TSNARE1: variants seen among roughly 807,000 people sequenced by gnomAD.
TSNARE1 encodes t-SNARE domain containing 1.
In TSNARE1, 49 loss-of-function variants were observed where a neutral mutation model predicts 62.0. The observed-to-expected ratio is 0.79, with a 90% confidence interval of 0.63 to 1.00. The LOEUF is 1.00. TSNARE1 is among the 50% of genes least tolerant of loss of function. The pLI is 0.00. For synonymous variants in TSNARE1, 328 were observed against 294.4 expected (o/e 1.11, Z -1.17); for missense variants, 755 against 700.1 (o/e 1.08, Z -0.88).
chr8:142,382,184 G>A (rs1021776969), intron 1 of TSNARE1, among the ~76,000 whole-genome samples: 3 of 152,204 alleles, frequency 2.0e-5, no homozygotes, highest in Non-Finnish European at 2.9e-5. Flanking sequence ...AGAGGAGGAG[G>A]AGGGCCCAGC....
chr8:142,280,107 GC>G, intron 11 of TSNARE1: 1 of 1,148,014 alleles, frequency 8.7e-7, no homozygotes, highest in South Asian at 1.7e-5. Context: ...GGGCAGGTGT[GC>G]CCCGCAGCGC....
chr8:142,275,681 T>C (rs1820357122), intron 11 of TSNARE1: 3 of 985,440 alleles, frequency 3.0e-6, no homozygotes, highest in Non-Finnish European at 3.6e-6. Context: ...TTGCAAGGCC[T>C]GCCTCCAATC....
intron 6 of TSNARE1, among the ~76,000 whole-genome samples, chr8:142,323,654 C>T (rs1183396233): frequency 6.6e-6 from 1 of 152,228 alleles, no homozygotes; most frequent in Non-Finnish European, 1.5e-5. Context: ...CAGAGCAACC[C>T]AGGACCAGCA....
At chr8:142,315,194 A>C in intron 7 of TSNARE1, 102 bp from the exon 8 acceptor site, 1 of 1,181,204 alleles carries the variant, frequency 8.5e-7, no homozygotes, top group Non-Finnish European at 1.2e-6. Flanking sequence ...ACCTTCCCAC[A>C]CTCAGAATGG....
intron 12 of TSNARE1, among the ~76,000 whole-genome samples, chr8:142,230,865 TATCCATCCATCCATCCATGAGCCCACTC>T (rs1166601188): frequency 1.4e-5 from 2 of 143,906 alleles, no homozygotes; most frequent in Admixed American, 1.4e-4. Context: ...TCAATTCATC[TATCCATCCATCCATCCATGAGCCCACTC>T]ATCCATCCAT....
At chr8:142,285,699 G>A (rs927247491) in intron 10 of TSNARE1, among the ~76,000 whole-genome samples, 6 of 152,168 alleles carry the variant, frequency 3.9e-5, no homozygotes, top group Admixed American at 3.9e-4. Flanking sequence ...CATGAAGCTA[G>A]TGAACAGAGT....
At chr8:142,369,030 T>C (rs1008623049) in intron 1 of TSNARE1, among the ~76,000 whole-genome samples, 7 of 152,086 alleles carry the variant, frequency 4.6e-5, no homozygotes, top group Admixed American at 3.3e-4. Flanking sequence ...AAACCCCCGC[T>C]CCCCAGACCA....
At chr8:142,282,874 G>A (rs1391360236) in intron 11 of TSNARE1, among the ~76,000 whole-genome samples, 1 of 140,166 alleles carries the variant, frequency 7.1e-6, no homozygotes, top group Non-Finnish European at 1.5e-5. Flanking sequence ...CAGAGGGGAG[G>A]CCACTGTCTG....
intron 2 of TSNARE1, among the ~76,000 whole-genome samples, chr8:142,346,891 A>C (rs531755140): frequency 6.6e-6 from 1 of 152,354 alleles, no homozygotes; most frequent in Non-Finnish European, 1.5e-5. Flanking sequence ...CCTACAGCCC[A>C]ACGTGACAGG....
intron 10 of TSNARE1, among the ~76,000 whole-genome samples, chr8:142,289,711 T>C (rs1823424175): frequency 6.6e-6 from 1 of 152,214 alleles, no homozygotes; most frequent in Non-Finnish European, 1.5e-5. Flanking sequence ...GCAGGGAGCC[T>C]GAGGCACTGC....
rs74950006 is a variant in TSNARE1, at chr8:142,304,996, G to A, written c.1132-4352C>T. On this transcript the variant is annotated intron_variant, in intron 9 of 13. Transcript: ENST00000524325. Reference sequence around the variant, plus strand: ...ACATAACAAACTTTTGAGGTAAGAGGTCCCCGGGGCAGCCCGGCTGGTGTG... The same window carrying A: ...ACATAACAAACTTTTGAGGTAAGAGATCCCCGGGGCAGCCCGGCTGGTGTG... Among the ~76,000 whole-genome samples, 216 of 152,288 alleles carry A rather than the reference G, an allele frequency of 1.4e-3. 1 individual carries two copies. The highest frequency in any genetic ancestry group is 4.1e-3 in the South Asian group (20 of 4,828).
intron 4 of TSNARE1, among the ~76,000 whole-genome samples, chr8:142,342,801 C>T (rs1832762081): frequency 6.6e-6 from 1 of 151,934 alleles, no homozygotes; most frequent in African/African-American, 2.4e-5. Context: ...GACGCCATGC[C>T]TACGCCCAGC....
intron 11 of TSNARE1, chr8:142,275,756 C>T (rs1156746505): frequency 2.0e-6 from 2 of 985,344 alleles, no homozygotes; most frequent in African/African-American, 1.7e-5. Flanking sequence ...GCAGTGCCTA[C>T]CAGGGCACAG....
chr8:142,222,508 T>TCATC (rs1327387114), intron 13 of TSNARE1, among the ~76,000 whole-genome samples: 17,763 of 56,126 alleles, frequency 0.32, 4,109 homozygotes, highest in Non-Finnish European at 0.38. Context: ...ACTCATCCAC[T>TCATC]CACTCACTCA....
chr8:142,223,751 A>G (rs1293476663), intron 13 of TSNARE1, among the ~76,000 whole-genome samples: 3 of 152,188 alleles, frequency 2.0e-5, no homozygotes, highest in Non-Finnish European at 2.9e-5. Context: ...CCAAAGACCA[A>G]TGTGGAAGGT....
intron 12 of TSNARE1, chr8:142,270,226 C>T (rs1819399244): frequency 1.0e-6 from 1 of 985,176 alleles, no homozygotes; most frequent in African/African-American, 1.7e-5. Flanking sequence ...GCCAAGGGAT[C>T]TCCCAAGAGT....
intron 1 of TSNARE1, among the ~76,000 whole-genome samples, chr8:142,362,602 G>A (rs752520112): frequency 6.6e-6 from 1 of 152,244 alleles, no homozygotes; most frequent in Admixed American, 6.5e-5. Context: ...TCAAGTGGGG[G>A]CCAGCGCTTC....
intron 13 of TSNARE1, among the ~76,000 whole-genome samples, chr8:142,216,710 G>A (rs1217091261): frequency 2.0e-5 from 3 of 152,162 alleles, no homozygotes; most frequent in Admixed American, 6.5e-5. Context: ...GACTCAGGCC[G>A]GCCCAAAGTC....
chr8:142,394,887 A>G (rs2131413760), intron 1 of TSNARE1, among the ~76,000 whole-genome samples: 1 of 152,162 alleles, frequency 6.6e-6, no homozygotes, highest in Non-Finnish European at 1.5e-5. Flanking sequence ...CGCCCTGGGG[A>G]CAGTGAGGTG....
Sources: gnomAD v4.1 joint callset for allele counts (sites outside exome capture counted in the v4.1 genomes callset) on GRCh38, gnomAD v4.1.1 for gene constraint, MANE v1.5 for transcripts, NCBI Gene and HGNC (gene_info 2026-07-23, HGNC 2026-07-21) for gene names.